Variants in RIN2 observed in about 807,000 individuals in gnomAD.
RIN2 encodes RAB5 interacting protein 2.
A neutral mutation model predicts 78.0 loss-of-function variants in RIN2; 36 were observed. The ratio of observed to expected loss-of-function variants is 0.46; its 90% CI spans 0.35 to 0.61. The LOEUF is 0.61. Among genes scored for constraint, RIN2 ranks in the 20% least tolerant of loss-of-function variants. RIN2 has a pLI of 0.00. For synonymous variants in RIN2, 466 were observed against 466.8 expected (o/e 1.00, Z 0.02); for missense variants, 1,087 against 1,159.7 (o/e 0.94, Z 0.91).
At position 19,862,452 on chromosome 20, in the gene RIN2, G is replaced by C. The variant is rs182610154; in HGVS notation, c.-36-27114G>C. ...ACTAAAAATACAAAAAATTAGTCGG[G>C]CGTGGTGGCAGGCACCTGTAGTCCC... On this transcript the variant is annotated intron_variant, in intron 2 of 12. Transcript: ENST00000255006. Among the ~76,000 whole-genome samples the C allele has an allele frequency of 2.4e-3, 367 of 152,236 alleles. 1 individual carries two copies. The highest frequency in any genetic ancestry group is 8.2e-3 in the African/African-American group (341 of 41,542).
At chr20:19,973,331 G>A (rs2042165054) in intron 8 of RIN2, among the ~76,000 whole-genome samples, 1 of 152,174 alleles carries the variant, frequency 6.6e-6, no homozygotes, top group African/African-American at 2.4e-5. Flanking sequence ...GGAGAGAGAA[G>A]GAGGGATACA....
chr20:19,800,806 A>G (rs960650727), intron 2 of RIN2, among the ~76,000 whole-genome samples: 2 of 152,132 alleles, frequency 1.3e-5, no homozygotes, highest in African/African-American at 4.8e-5. Flanking sequence ...CCACAGCAAC[A>G]CTGTTTGAAG....
intron 1 of RIN2, among the ~76,000 whole-genome samples, chr20:19,763,639 G>A (rs902815304): frequency 3.9e-5 from 6 of 152,176 alleles, no homozygotes; most frequent in African/African-American, 1.4e-4. Flanking sequence ...TTGTGAAAGA[G>A]TCTAAGAAAA....
chr20:19,987,432 A>G (rs1319773226), intron 9 of RIN2, among the ~76,000 whole-genome samples: 1 of 152,228 alleles, frequency 6.6e-6, no homozygotes, highest in East Asian at 1.9e-4. Flanking sequence ...TGAACTTTAC[A>G]ATTAAAAGAT....
In RIN2 at chr20:19,884,513, C is replaced by T. The variant is rs140810224; in HGVS notation, c.-36-5053C>T. Among the ~76,000 whole-genome samples, 429 of 152,278 alleles carry T rather than the reference C, an allele frequency of 2.8e-3. 1 individual carries two copies. Among genetic ancestry groups the T allele is most frequent in the African/African-American group, 9.8e-3 (407 of 41,566 alleles). ...CTTTCCATATGACTTCTTTCTTTCT[C>T]GTAAATTAGCTTGTCTTTTCAATGG... is the stretch of plus-strand genomic sequence containing the variant. On this transcript the variant is annotated intron_variant, in intron 2 of 12. Transcript: ENST00000255006.
rs182171980 is a variant in RIN2, at chr20:19,961,579, G to C, written c.463+768G>C. 9.2e-4 allele frequency among the ~76,000 whole-genome samples: 135 copies of C among 146,368 alleles called. 1 individual carries two copies. The highest frequency in any genetic ancestry group is 1.5e-3 in the Admixed American group (21 of 14,482). On this transcript the variant is annotated intron_variant, in intron 6 of 12. Transcript: ENST00000255006. ...AGCCTGGGATTCCCACTTGCTTCCC[G>C]ATTTCCCAGCACCTCACCTCCTGCA...
At chr20:19,979,183 C>T (rs1180843479) in intron 9 of RIN2, among the ~76,000 whole-genome samples, 1 of 152,174 alleles carries the variant, frequency 6.6e-6, no homozygotes, top group Non-Finnish European at 1.5e-5. Context: ...CCTCTGTTTT[C>T]AAGGCTTGTT....
intron 9 of RIN2, among the ~76,000 whole-genome samples, chr20:19,977,757 A>G (rs1435716529): frequency 6.6e-6 from 1 of 152,098 alleles, no homozygotes; most frequent in Non-Finnish European, 1.5e-5. Flanking sequence ...AACTGCAGGG[A>G]CAACCCTGTG....
chr20:19,988,193 A>G (rs968574498), intron 9 of RIN2, among the ~76,000 whole-genome samples: 3 of 152,150 alleles, frequency 2.0e-5, no homozygotes, highest in Non-Finnish European at 2.9e-5. Context: ...ATCTCGGCTC[A>G]CTGCAAGCTT....
At chr20:19,904,786 G>A (rs2039147628) in intron 3 of RIN2, among the ~76,000 whole-genome samples, 1 of 152,180 alleles carries the variant, frequency 6.6e-6, no homozygotes, top group South Asian at 2.1e-4. Context: ...AGCTCACCCG[G>A]CATTAGCACT....
intron 1 of RIN2, among the ~76,000 whole-genome samples, chr20:19,797,237 T>C (rs2122679513): frequency 2.6e-5 from 4 of 152,312 alleles, no homozygotes; most frequent in Middle Eastern, 6.8e-3. Context: ...AGGGTAATTT[T>C]TGACTTGTTC....
At chr20:19,890,667 C>T (rs2038406313) in intron 3 of RIN2, among the ~76,000 whole-genome samples, 2 of 97,868 alleles carry the variant, frequency 2.0e-5, no homozygotes, top group African/African-American at 9.4e-5. Flanking sequence ...ATTGTGTCAA[C>T]TGTTGACTCT....
chr20:19,996,516 T>C (rs1045445227), intron 11 of RIN2, among the ~76,000 whole-genome samples, 163 bp from the exon 12 acceptor site: 4 of 151,920 alleles, frequency 2.6e-5, no homozygotes, highest in Middle Eastern at 3.4e-3. Flanking sequence ...GATGGAGGAG[T>C]GAGTGCCATG....
chr20:19,949,781 G>A (rs1445738354), intron 4 of RIN2, among the ~76,000 whole-genome samples: 4 of 152,210 alleles, frequency 2.6e-5, no homozygotes, highest in Non-Finnish European at 5.9e-5. Flanking sequence ...ATTAGGGGCT[G>A]CGCTGGTAGA....
chr20:19,966,447 C>T (rs2041941322), intron 7 of RIN2, among the ~76,000 whole-genome samples: 1 of 152,020 alleles, frequency 6.6e-6, no homozygotes, highest in Admixed American at 6.6e-5. Context: ...CCTCAGCCTC[C>T]TGAGTAGCTG....
intron 1 of RIN2, among the ~76,000 whole-genome samples, chr20:19,777,124 C>T (rs2122485997): frequency 6.6e-6 from 1 of 152,304 alleles, no homozygotes; most frequent in African/African-American, 2.4e-5. Flanking sequence ...CTGGCTTCTC[C>T]CTCCATCCTT....
At chr20:19,959,169 A>G (rs754675234) in intron 5 of RIN2, among the ~76,000 whole-genome samples, 1 of 152,186 alleles carries the variant, frequency 6.6e-6, no homozygotes, top group Admixed American at 6.5e-5. Flanking sequence ...GCTGTATTTC[A>G]CTACAACTTT....
intron 3 of RIN2, 73 bp from the exon 4 acceptor site, chr20:19,935,026 G>A: frequency 9.2e-7 from 1 of 1,081,368 alleles, no homozygotes; most frequent in Non-Finnish European, 1.4e-6. Flanking sequence ...TGAAAAGCCT[G>A]AGTTCCCCGG....
intron 2 of RIN2, among the ~76,000 whole-genome samples, chr20:19,868,380 G>A (rs1250663276): frequency 6.6e-6 from 1 of 152,210 alleles, no homozygotes; most frequent in African/African-American, 2.4e-5. Context: ...CCTTAATGCA[G>A]TAAAATACCC....
Sources: gnomAD v4.1 joint callset for allele counts (sites outside exome capture counted in the v4.1 genomes callset) on GRCh38, gnomAD v4.1.1 for gene constraint, MANE v1.5 for transcripts, NCBI Gene and HGNC (gene_info 2026-07-23, HGNC 2026-07-21) for gene names.